The following MMP16 variants were observed in gnomAD, a reference collection of about 807,000 sequenced individuals.
The protein encoded by MMP16 is matrix metallopeptidase 16, also known as matrix metalloproteinase-16.
A neutral mutation model predicts 67.8 loss-of-function variants in MMP16; 12 were observed. The observed-to-expected ratio is 0.18, with a 90% confidence interval of 0.11 to 0.29. The LOEUF is 0.29. Ranked by LOEUF, MMP16 falls within the 10% of genes least tolerant of loss-of-function variation. The pLI is 1.00. For missense variants in MMP16, 475 were observed against 765.7 expected (o/e 0.62, Z 4.48); for synonymous variants, 249 against 255.9 (o/e 0.97, Z 0.26).
chr8:88,054,566 T>C (rs1345271442), intron 8 of MMP16, among the ~76,000 whole-genome samples: 1 of 152,212 alleles, frequency 6.6e-6, no homozygotes, highest in African/African-American at 2.4e-5. Context: ...TTTTGTTTGA[T>C]AGATCTTTTA....
At chr8:88,226,588 C>G (rs934760262) in intron 1 of MMP16, among the ~76,000 whole-genome samples, 2 of 151,968 alleles carry the variant, frequency 1.3e-5, no homozygotes, top group African/African-American at 4.8e-5. Flanking sequence ...GTAAAATTTT[C>G]TAGTTGTTTG....
chr8:88,079,767 A>G (rs1453367713), intron 6 of MMP16, among the ~76,000 whole-genome samples: 1 of 152,100 alleles, frequency 6.6e-6, no homozygotes, highest in Non-Finnish European at 1.5e-5. Context: ...AATAAATGAG[A>G]TTATTGCCCT....
At chr8:88,174,203 C>G (rs1808848576) in intron 3 of MMP16, among the ~76,000 whole-genome samples, 1 of 152,096 alleles carries the variant, frequency 6.6e-6, no homozygotes, top group East Asian at 1.9e-4. Context: ...ATCAATATAG[C>G]ACTATTATAT....
At chr8:88,206,552 A>C (rs972400909) in intron 1 of MMP16, among the ~76,000 whole-genome samples, 7 of 152,160 alleles carry the variant, frequency 4.6e-5, no homozygotes, top group African/African-American at 1.7e-4. Flanking sequence ...GGGTCTGTTC[A>C]CGCCTTGTGC....
At chr8:88,208,291 C>G (rs566617257) in intron 1 of MMP16, among the ~76,000 whole-genome samples, 2 of 152,080 alleles carry the variant, frequency 1.3e-5, no homozygotes, top group African/African-American at 4.8e-5. Flanking sequence ...AGCTGCTACC[C>G]CATAAGCCTT....
intron 4 of MMP16, among the ~76,000 whole-genome samples, chr8:88,156,367 A>C (rs1295192331): frequency 6.6e-6 from 1 of 152,112 alleles, no homozygotes; most frequent in African/African-American, 2.4e-5. Flanking sequence ...CTGATGCATT[A>C]AATCAATGGC....
chr8:88,120,036 T>C (rs1328112558), intron 4 of MMP16, among the ~76,000 whole-genome samples: 1 of 151,954 alleles, frequency 6.6e-6, no homozygotes, highest in Non-Finnish European at 1.5e-5. Flanking sequence ...GAGGAATAGA[T>C]GAGATCATGA....
intron 1 of MMP16, among the ~76,000 whole-genome samples, chr8:88,247,855 T>C (rs1695869035): frequency 6.6e-6 from 1 of 151,988 alleles, no homozygotes; most frequent in Non-Finnish European, 1.5e-5. Context: ...GCTGATCTTG[T>C]ACATTTCCTC....
At chr8:88,186,443 G>T in intron 3 of MMP16, 33 bp downstream of exon 3, 1 of 1,610,580 alleles carries the variant, frequency 6.2e-7, no homozygotes, top group Non-Finnish European at 8.5e-7. Context: ...TGAAATATGG[G>T]GAAAAGGGGA....
chr8:88,160,631 C>T (rs989701219), intron 4 of MMP16, among the ~76,000 whole-genome samples: 3 of 152,046 alleles, frequency 2.0e-5, no homozygotes, highest in African/African-American at 7.2e-5. Flanking sequence ...AGTCAGGAAA[C>T]AACAGGTGCT....
At position 88,145,460 on chromosome 8, in the gene MMP16, T is replaced by A. The variant is rs572930710; in HGVS notation, c.709+22209A>T. Among the ~76,000 whole-genome samples, 18 of 151,820 alleles carry A rather than the reference T, an allele frequency of 1.2e-4. No homozygotes were observed. The South Asian group carries it at 3.3e-3, about 28-fold the overall frequency. ...ACTATATACATTTTGAAATAAATAA[T>A]AGTAATAGTATGGGAGATAATATCG... On this transcript the variant is annotated intron_variant, in intron 4 of 9. Coordinates refer to ENST00000286614, the MANE Select transcript of MMP16 (RefSeq NM_005941.5).
At chr8:88,103,984 T>C (rs774369400) in intron 6 of MMP16, among the ~76,000 whole-genome samples, 6 of 151,818 alleles carry the variant, frequency 4.0e-5, no homozygotes, top group Non-Finnish European at 7.4e-5. Context: ...ATCATAATAT[T>C]GTCCAAGGAC....
chr8:88,254,660 A>G (rs946040143), intron 1 of MMP16, among the ~76,000 whole-genome samples: 1 of 152,180 alleles, frequency 6.6e-6, no homozygotes, highest in African/African-American at 2.4e-5. Context: ...AAATGTCTGA[A>G]ACCTGTACAT....
chr8:88,266,346 T>A (rs74906719), intron 1 of MMP16, among the ~76,000 whole-genome samples: 1 of 151,936 alleles, frequency 6.6e-6, no homozygotes, highest in Non-Finnish European at 1.5e-5. Flanking sequence ...TGCTATTTTT[T>A]AACATACTTT....
Position 88,034,884 on chromosome 8 carries a change from C to A in MMP16, c.*6577G>T, listed in dbSNP as rs1045631638. 6.6e-6 allele frequency: 1 copy of A among 151,924 alleles called. No homozygotes were observed. The highest frequency in any genetic ancestry group is 2.4e-5 in the African/African-American group (1 of 41,414). 9.4% of individuals were successfully genotyped at this position (151,924 alleles called of 1,614,324 possible). A position where few individuals can be genotyped will look rare whatever the true frequency, so the allele number is the denominator to read the frequency against. On this transcript the variant is annotated 3_prime_UTR_variant, in exon 10 of 10. Coordinates refer to ENST00000286614, the MANE Select transcript of MMP16 (RefSeq NM_005941.5). ...GTGGCAAGTACAAGCAGCACCATAT[C>A]CTATCCTAGGAAAATGCATCCTACC...
At chr8:88,303,179 A>G (rs1811131614) in intron 1 of MMP16, among the ~76,000 whole-genome samples, 1 of 152,086 alleles carries the variant, frequency 6.6e-6, no homozygotes, top group Non-Finnish European at 1.5e-5. Flanking sequence ...AGCTACATAC[A>G]CCCGGGGGCG....
At chr8:88,283,341 G>A (rs1481393995) in intron 1 of MMP16, among the ~76,000 whole-genome samples, 1 of 152,166 alleles carries the variant, frequency 6.6e-6, no homozygotes, top group Non-Finnish European at 1.5e-5. Context: ...GAGTCAGGCA[G>A]ACCATGCTTC....
intron 4 of MMP16, among the ~76,000 whole-genome samples, chr8:88,122,703 G>A (rs1018903646): frequency 6.6e-6 from 1 of 151,576 alleles, no homozygotes; most frequent in Non-Finnish European, 1.5e-5. Flanking sequence ...GGTTTCTCTA[G>A]TTGAGAAGCT....
At chr8:88,271,133 G>T (rs1464667100) in intron 1 of MMP16, among the ~76,000 whole-genome samples, 1 of 152,208 alleles carries the variant, frequency 6.6e-6, no homozygotes, top group Non-Finnish European at 1.5e-5. Context: ...ATGATATTCT[G>T]TAGCAGAGTA....
Sources: gnomAD v4.1 joint callset for allele counts (sites outside exome capture counted in the v4.1 genomes callset) on GRCh38, gnomAD v4.1.1 for gene constraint, MANE v1.5 for transcripts, NCBI Gene and HGNC (gene_info 2026-07-23, HGNC 2026-07-21) for gene names.